PCDHA8: variants seen among roughly 807,000 people sequenced by gnomAD.
PCDHA8 encodes the protein protocadherin alpha 8.
A neutral mutation model predicts 61.8 loss-of-function variants in PCDHA8; 53 were observed. That is an observed-to-expected ratio of 0.86 (90% CI 0.69 to 1.08). The LOEUF (loss-of-function observed/expected upper bound fraction) is 1.08. PCDHA8 is among the 50% of genes least tolerant of loss of function. The pLI, the probability that PCDHA8 is intolerant of heterozygous loss-of-function variation, is 0.00. For missense variants in PCDHA8, 1,293 were observed against 1,245.0 expected (o/e 1.04, Z -0.58); for synonymous variants, 618 against 556.6 (o/e 1.11, Z -1.55).
At chr5:140,972,625 G>A (rs2096544051) in intron 1 of PCDHA8, among the ~76,000 whole-genome samples, 1 of 151,044 alleles carries the variant, frequency 6.6e-6, no homozygotes, top group African/African-American at 2.4e-5. Flanking sequence ...AATGTTGTTG[G>A]CACTCCCTTC....
chr5:140,865,412 A>C (rs1347341740), intron 1 of PCDHA8: 2 of 152,242 alleles, frequency 1.3e-5, no homozygotes, highest in Non-Finnish European at 2.9e-5. Context: ...AAAAGGAATT[A>C]GTAGTGTCTA....
chr5:140,850,964 C>A, intron 1 of PCDHA8: 1 of 1,468,876 alleles, frequency 6.8e-7, no homozygotes, highest in South Asian at 1.4e-5. Context: ...TCCCAGGGGC[C>A]GTTCAAATAG....
chr5:140,978,103 A>T (rs2096789005), intron 1 of PCDHA8, among the ~76,000 whole-genome samples: 1 of 152,106 alleles, frequency 6.6e-6, no homozygotes, highest in South Asian at 2.1e-4. Context: ...AACTCCCCCA[A>T]CAGTCTTTAA....
At chr5:140,974,721 G>T (rs1033117636) in intron 1 of PCDHA8, among the ~76,000 whole-genome samples, 1 of 152,050 alleles carries the variant, frequency 6.6e-6, no homozygotes, top group Non-Finnish European at 1.5e-5. Context: ...AGCTGCTCTC[G>T]AACTCCTGTC....
intron 1 of PCDHA8, among the ~76,000 whole-genome samples, chr5:140,945,406 G>A (rs992531626): frequency 2.0e-4 from 30 of 151,882 alleles, no homozygotes; most frequent in East Asian, 1.2e-3. Flanking sequence ...AATACAATTC[G>A]TATCAAAATT....
chr5:141,003,452 C>G (rs1554259072), intron 3 of PCDHA8, among the ~76,000 whole-genome samples: 1 of 152,112 alleles, frequency 6.6e-6, no homozygotes, highest in Non-Finnish European at 1.5e-5. Flanking sequence ...GATGAAATTA[C>G]AGGCGTGCAC....
At chr5:140,846,321 T>C (rs1780323093) in intron 1 of PCDHA8, among the ~76,000 whole-genome samples, 1 of 149,102 alleles carries the variant, frequency 6.7e-6, no homozygotes, top group Admixed American at 6.7e-5. Context: ...TGTAGAGTGT[T>C]GTAAATAGCC....
intron 1 of PCDHA8, among the ~76,000 whole-genome samples, chr5:140,971,573 CT>C (rs1203027280): frequency 6.6e-6 from 1 of 152,110 alleles, no homozygotes; most frequent in African/African-American, 2.4e-5. Flanking sequence ...GTTGGGCTTT[CT>C]TTTTTTCCTA....
chr5:140,903,317 A>G (rs1364222131), intron 1 of PCDHA8, among the ~76,000 whole-genome samples: 1 of 152,204 alleles, frequency 6.6e-6, no homozygotes, highest in African/African-American at 2.4e-5. Context: ...TAAAGACAGC[A>G]TTTTTATTGA....
chr5:140,981,252 T>C (rs1482350756), intron 2 of PCDHA8, among the ~76,000 whole-genome samples: 1 of 152,240 alleles, frequency 6.6e-6, no homozygotes, highest in African/African-American at 2.4e-5. Context: ...GAAATTTAAC[T>C]TTCAAGATAA....
intron 1 of PCDHA8, among the ~76,000 whole-genome samples, chr5:140,966,033 G>C (rs772770928): frequency 6.6e-6 from 1 of 152,138 alleles, no homozygotes; most frequent in African/African-American, 2.4e-5. Context: ...CAGGTGAATA[G>C]TTCCCATCGC....
chr5:140,900,187 T>C (rs529700623), intron 1 of PCDHA8, among the ~76,000 whole-genome samples: 1 of 152,346 alleles, frequency 6.6e-6, no homozygotes, highest in Non-Finnish European at 1.5e-5. Context: ...ATGTCACTTA[T>C]AATGACATCC....
At position 140,850,653 on chromosome 5, in the gene PCDHA8, G is replaced by T. The variant is rs1472245010; in HGVS notation, c.2394+6938G>T. The T allele has an allele frequency of 2.5e-6, 4 of 1,598,606 alleles. No homozygotes were observed. The African/African-American group carries it at 4.0e-5, about 16-fold the overall frequency. On this transcript the variant is annotated intron_variant, in intron 1 of 3. Transcript: ENST00000531613. Reference sequence around the variant, plus strand: ...GGTTCTCACGCTGCTGCTGTACACTGTGCTGCGGTGCTCGGCGATGCCCAC... The same window carrying T: ...GGTTCTCACGCTGCTGCTGTACACTTTGCTGCGGTGCTCGGCGATGCCCAC...
At chr5:140,928,657 G>T in intron 1 of PCDHA8, 1 of 1,614,220 alleles carries the variant, frequency 6.2e-7, no homozygotes, top group Admixed American at 1.7e-5. Flanking sequence ...AGAGGATGCT[G>T]ACAGTGGTTC....
At chr5:140,875,476 G>T in intron 1 of PCDHA8, 1 of 1,610,156 alleles carries the variant, frequency 6.2e-7, no homozygotes, top group South Asian at 1.1e-5. Flanking sequence ...TTCTGCAATG[G>T]TGATTATCGG....
Position 140,917,751 on chromosome 5 carries a change from A to G in PCDHA8, c.2395-61198A>G, listed in dbSNP as rs577892904. On this transcript the variant is annotated intron_variant, in intron 1 of 3. Coordinates refer to ENST00000531613, the MANE Select transcript of PCDHA8 (RefSeq NM_018911.3). ...GTTCTCTAACCTGTCCCATTGGTCT[A>G]TGTGTCTGTTTTTGTATTAGTACCA... is the stretch of plus-strand genomic sequence containing the variant. Among the ~76,000 whole-genome samples the G allele has an allele frequency of 3.7e-4, 56 of 152,178 alleles. 2 individuals are homozygous for G. The highest frequency in any genetic ancestry group is 1.3e-3 in the African/African-American group (55 of 41,522).
rs2150530926 is a variant in PCDHA8 at position 140,853,336 on chromosome 5, A to G, written c.2394+9621A>G. The G allele has an allele frequency of 4.1e-5, 40 of 984,520 alleles. 4 individuals carry two copies. The highest frequency in any genetic ancestry group is 4.9e-5 in the Non-Finnish European group (40 of 817,056). 61.0% of individuals were successfully genotyped at this position (984,520 alleles called of 1,614,324 possible). A position where few individuals can be genotyped will look rare whatever the true frequency, so the allele number is the denominator to read the frequency against. On this transcript the variant is annotated intron_variant, in intron 1 of 3. Transcript: ENST00000531613. ...AGTAATAAATTTATCTTTTGAGGTC[A>G]TTAGCAAACATGAACTCACAGGGAT...
chr5:140,988,423 T>G (rs2097297373), intron 3 of PCDHA8, among the ~76,000 whole-genome samples: 2 of 152,176 alleles, frequency 1.3e-5, no homozygotes. Context: ...GTAAAGAATT[T>G]GTTTGTTTTG....
chr5:141,004,311 C>T (rs2098161581), intron 3 of PCDHA8, among the ~76,000 whole-genome samples: 1 of 152,210 alleles, frequency 6.6e-6, no homozygotes, highest in South Asian at 2.1e-4. Context: ...TTTTATACAA[C>T]AACCAGAACA....
Sources: allele counts gnomAD v4.1 joint callset (sites outside exome capture counted in the v4.1 genomes callset), GRCh38; gene constraint gnomAD v4.1.1; transcripts MANE v1.5; gene names NCBI Gene and HGNC (gene_info 2026-07-23, HGNC 2026-07-21).